The following GRM8 variants were observed in gnomAD, a reference collection of about 807,000 sequenced individuals.
GRM8 encodes metabotropic glutamate receptor 8.
Under a neutral mutation model 87.2 loss-of-function variants are expected in GRM8, and 47 were observed. The ratio of observed to expected loss-of-function variants is 0.54; its 90% CI spans 0.43 to 0.69. The LOEUF is 0.69. GRM8 is among the 30% of genes least tolerant of loss of function. The pLI, the probability that GRM8 is intolerant of heterozygous loss-of-function variation, is 0.00. For synonymous variants in GRM8, 396 were observed against 404.5 expected (o/e 0.98, Z 0.25); for missense variants, 1,019 against 1,139.2 (o/e 0.89, Z 1.52).
chr7:127,050,782 T>A (rs1007531965), intron 3 of GRM8, among the ~76,000 whole-genome samples: 3 of 152,190 alleles, frequency 2.0e-5, no homozygotes, highest in Non-Finnish European at 2.9e-5. Flanking sequence ...TCTTCCTTGG[T>A]GAATGGTGGT....
chr7:127,114,999 T>C (rs891662571), intron 2 of GRM8, among the ~76,000 whole-genome samples: 1 of 152,050 alleles, frequency 6.6e-6, no homozygotes, highest in African/African-American at 2.4e-5. Context: ...CCATGAGCCC[T>C]AAGAGAGAGA....
At chr7:127,068,004 C>T (rs1821304632) in intron 3 of GRM8, among the ~76,000 whole-genome samples, 1 of 152,108 alleles carries the variant, frequency 6.6e-6, no homozygotes, top group South Asian at 2.1e-4. Flanking sequence ...TCCCTTTAGA[C>T]CAGTGAAAGC....
In GRM8 at chr7:127,153,458, G is replaced by A. The variant is rs1334400245; in HGVS notation, c.511-46746C>T. ...ATTAGCCTATAGGCTGAAAGGTCTG[G>A]AGGAAGTTGTGATGGTATGGGTCAG... On this transcript the variant is annotated intron_variant, in intron 2 of 10. Transcript: ENST00000339582. Among the ~76,000 whole-genome samples, 2 of 152,152 alleles carry A rather than the reference G, an allele frequency of 1.3e-5. 1 individual carries two copies. The highest frequency in any genetic ancestry group is 1.3e-4 in the Admixed American group (2 of 15,272).
intron 3 of GRM8, among the ~76,000 whole-genome samples, chr7:126,907,114 GA>G (rs1802766882): frequency 6.6e-6 from 1 of 150,486 alleles, no homozygotes; most frequent in Non-Finnish European, 1.5e-5. Flanking sequence ...AGGAGGAGGA[GA>G]AAGAGGAAGA....
chr7:126,745,599 T>A lies in GRM8; in HGVS notation c.1357+24266A>T, dbSNP rs6952143. Among the ~76,000 whole-genome samples the A allele has an allele frequency of 6.1e-5, 9 of 147,184 alleles. No homozygotes were observed. In the South Asian group the frequency reaches 1.9e-3, roughly 31 times the overall value. On this transcript the variant is annotated intron_variant, in intron 7 of 10. Transcript: ENST00000339582. ...ATTACCTTGTACTTTGCTTTTGGGTTTTTTTCCCCCTAATATTAACACTAG... is the reference window on the plus strand; with the variant it reads ...ATTACCTTGTACTTTGCTTTTGGGTATTTTTCCCCCTAATATTAACACTAG...
intron 7 of GRM8, among the ~76,000 whole-genome samples, chr7:126,702,745 C>T (rs1198376095): frequency 1.3e-5 from 2 of 152,068 alleles, no homozygotes; most frequent in Admixed American, 1.3e-4. Flanking sequence ...GGAATAGTTC[C>T]ACATCAAGAG....
In GRM8 at chr7:126,746,938, C is replaced by T. The variant is rs182355851; in HGVS notation, c.1357+22927G>A. ...AATATAAAAGAAAGAACACAGTAAA[C>T]CACTGTGTAGTTACTGTGTTGTTAA... On this transcript the variant is annotated intron_variant, in intron 7 of 10. Transcript: ENST00000339582. Among the ~76,000 whole-genome samples the T allele has an allele frequency of 1.5e-3, 229 of 151,308 alleles. 1 individual carries two copies. The highest frequency in any genetic ancestry group is 1.2e-3 in the Non-Finnish European group (83 of 67,570).
chr7:127,234,649 C>G (rs1262010717), intron 2 of GRM8, among the ~76,000 whole-genome samples: 1 of 152,204 alleles, frequency 6.6e-6, no homozygotes, highest in Non-Finnish European at 1.5e-5. Flanking sequence ...CACCTGGGAA[C>G]CATTAGAAAT....
At chr7:126,981,707 C>T (rs1326020328) in intron 3 of GRM8, 1 of 152,174 alleles carries the variant, frequency 6.6e-6, no homozygotes, top group Non-Finnish European at 1.5e-5. Flanking sequence ...ATATTTAAAC[C>T]ATAGCACCCT....
intron 3 of GRM8, among the ~76,000 whole-genome samples, chr7:127,045,948 T>C (rs1818879807): frequency 1.3e-5 from 2 of 152,232 alleles, no homozygotes; most frequent in South Asian, 4.1e-4. Flanking sequence ...TGATATTTAA[T>C]TGGAATTTCA....
At chr7:127,251,071 T>G (rs1278489721) in intron 1 of GRM8, 1 of 152,086 alleles carries the variant, frequency 6.6e-6, no homozygotes, top group East Asian at 1.9e-4. Flanking sequence ...TGGGAAAGGA[T>G]CCCCCAAATG....
chr7:126,585,239 A>G (rs1462692660), intron 8 of GRM8, among the ~76,000 whole-genome samples: 1 of 152,198 alleles, frequency 6.6e-6, no homozygotes, highest in Non-Finnish European at 1.5e-5. Flanking sequence ...TAACTGTAGC[A>G]AATTCCTAAT....
In GRM8 at chr7:126,590,977, A is replaced by T. The variant is rs1030108636; in HGVS notation, c.1494+18385T>A. Among the ~76,000 whole-genome samples the T allele has an allele frequency of 2.7e-4, 41 of 149,314 alleles. 1 individual carries two copies. Among genetic ancestry groups the T allele is most frequent in the South Asian group, 1.0e-3 (5 of 4,826 alleles). Reference sequence around the variant, plus strand: ...CAACAACACCATAAATTTTTTTTTTAAAAAAAGGTATTTAGGCAACAAATA... The same window carrying T: ...CAACAACACCATAAATTTTTTTTTTTAAAAAAGGTATTTAGGCAACAAATA... On this transcript the variant is annotated intron_variant, in intron 8 of 10. Coordinates refer to ENST00000339582, the MANE Select transcript of GRM8 (RefSeq NM_000845.3).
rs1467195143 is a variant in GRM8, at chr7:126,471,671, C to T, written c.2431-25299G>A. The stretch of plus-strand genomic sequence containing the variant: ...TTGGCTTAGGATTGACTTGGCGATG[C>T]GGGCTCTTTTTTGGTTCCATATGAA... On this transcript the variant is annotated intron_variant, in intron 9 of 10. Coordinates refer to ENST00000339582, the MANE Select transcript of GRM8 (RefSeq NM_000845.3). Among the ~76,000 whole-genome samples the T allele has an allele frequency of 3.5e-4, 53 of 151,670 alleles. 1 individual carries two copies. The highest frequency in any genetic ancestry group is 1.5e-4 in the Non-Finnish European group (10 of 67,952).
intron 9 of GRM8, among the ~76,000 whole-genome samples, chr7:126,469,984 A>G (rs1804972014): frequency 6.6e-6 from 1 of 152,120 alleles, no homozygotes; most frequent in South Asian, 2.1e-4. Context: ...GTTTTGACCA[A>G]AATGCTGACA....
At chr7:126,605,980 T>C (rs1278729027) in intron 8 of GRM8, among the ~76,000 whole-genome samples, 1 of 152,212 alleles carries the variant, frequency 6.6e-6, no homozygotes, top group Non-Finnish European at 1.5e-5. Context: ...CACTATAGTC[T>C]CAACACCTTT....
intron 7 of GRM8, among the ~76,000 whole-genome samples, chr7:126,660,101 G>A (rs539993863): frequency 6.6e-6 from 1 of 152,222 alleles, no homozygotes; most frequent in East Asian, 1.9e-4. Context: ...AGTTTTGAAA[G>A]ATCTCTGTGC....
chr7:126,707,578 G>GCC (rs1293313748), intron 7 of GRM8, among the ~76,000 whole-genome samples: 1 of 152,084 alleles, frequency 6.6e-6, no homozygotes, highest in East Asian at 1.9e-4. Flanking sequence ...TAAAGGTACA[G>GCC]CCCCCTGATG....
At chr7:126,583,066 G>A (rs2151017657) in intron 8 of GRM8, among the ~76,000 whole-genome samples, 1 of 152,206 alleles carries the variant, frequency 6.6e-6, no homozygotes, top group East Asian at 1.9e-4. Flanking sequence ...CTTAAGAAAT[G>A]CACTTCTTGC....
Sources: gnomAD v4.1 joint callset for allele counts (sites outside exome capture counted in the v4.1 genomes callset) on GRCh38, gnomAD v4.1.1 for gene constraint, MANE v1.5 for transcripts, NCBI Gene and HGNC (gene_info 2026-07-23, HGNC 2026-07-21) for gene names.